NALF1: variants seen among roughly 807,000 people sequenced by gnomAD.
The protein encoded by NALF1 is NALCN channel auxiliary factor 1.
NALF1 carries 3 observed loss-of-function variants against 48.4 expected under a neutral mutation model. The observed-to-expected ratio is 0.06, with a 90% CI of 0.03 to 0.16. NALF1 has a LOEUF of 0.16. NALF1 is among the 10% of genes least tolerant of loss of function. The pLI is 1.00. For synonymous variants in NALF1, 262 were observed against 245.7 expected, an observed-to-expected ratio of 1.07 and a Z score of -0.62; for missense variants, 526 against 571.5, an observed-to-expected ratio of 0.92 and a Z score of 0.81.
intron 1 of NALF1, among the ~76,000 whole-genome samples, chr13:107,575,227 A>C (rs1878104220): frequency 6.6e-6 from 1 of 152,138 alleles, no homozygotes; most frequent in African/African-American, 2.4e-5. Flanking sequence ...CCTTATCAAA[A>C]CTGGTAGAGT....
intron 1 of NALF1, among the ~76,000 whole-genome samples, chr13:107,806,042 G>A (rs769715149): frequency 1.2e-4 from 18 of 152,290 alleles, no homozygotes; most frequent in Non-Finnish European, 2.2e-4. Context: ...GAAAGATTCA[G>A]AAACCTCATC....
intron 1 of NALF1, among the ~76,000 whole-genome samples, chr13:107,829,515 T>C (rs1206398506): frequency 1.3e-5 from 2 of 152,186 alleles, no homozygotes; most frequent in Non-Finnish European, 2.9e-5. Context: ...AATCAGATCT[T>C]CAAATTCTTT....
intron 1 of NALF1, among the ~76,000 whole-genome samples, chr13:107,344,583 A>G (rs911933322): frequency 1.3e-5 from 2 of 152,172 alleles, no homozygotes; most frequent in African/African-American, 2.4e-5. Flanking sequence ...CACAAATCAC[A>G]TGCTCCTCTC....
intron 1 of NALF1, among the ~76,000 whole-genome samples, chr13:107,269,380 T>C (rs1881108666): frequency 6.6e-6 from 1 of 151,958 alleles, no homozygotes; most frequent in Admixed American, 6.6e-5. Flanking sequence ...TCTTGCAGAG[T>C]GGATAGTAAA....
At chr13:107,844,987 T>C (rs941854231) in intron 1 of NALF1, among the ~76,000 whole-genome samples, 2 of 152,170 alleles carry the variant, frequency 1.3e-5, no homozygotes, top group African/African-American at 4.8e-5. Flanking sequence ...TCAGATATAA[T>C]GCAAGAATAA....
intron 1 of NALF1, among the ~76,000 whole-genome samples, chr13:107,767,707 T>C (rs1471914712): frequency 1.3e-5 from 2 of 152,220 alleles, no homozygotes; most frequent in Non-Finnish European, 2.9e-5. Context: ...TAGGAAACTC[T>C]GGGAAAATTA....
At chr13:107,415,204 C>A (rs964807739) in intron 1 of NALF1, among the ~76,000 whole-genome samples, 1 of 152,130 alleles carries the variant, frequency 6.6e-6, no homozygotes, top group Non-Finnish European at 1.5e-5. Flanking sequence ...TACATACATC[C>A]TATCTTCATA....
intron 1 of NALF1, among the ~76,000 whole-genome samples, chr13:107,594,889 T>A (rs960935157): frequency 6.6e-6 from 1 of 151,996 alleles, no homozygotes; most frequent in African/African-American, 2.4e-5. Flanking sequence ...AATCAAAAAT[T>A]AAAAATTAAA....
chr13:107,673,109 T>A (rs1881029534), intron 1 of NALF1, among the ~76,000 whole-genome samples: 1 of 152,128 alleles, frequency 6.6e-6, no homozygotes, highest in Non-Finnish European at 1.5e-5. Flanking sequence ...CTCCTTTCTG[T>A]ATGGGTGCGG....
At chr13:107,797,843 AACC>A (rs1878480716) in intron 1 of NALF1, among the ~76,000 whole-genome samples, 1 of 152,184 alleles carries the variant, frequency 6.6e-6, no homozygotes, top group Non-Finnish European at 1.5e-5. Context: ...AACAAATGTG[AACC>A]ATACTTTTTG....
At chr13:107,738,287 A>G (rs1339791749) in intron 1 of NALF1, among the ~76,000 whole-genome samples, 1 of 152,194 alleles carries the variant, frequency 6.6e-6, no homozygotes, top group African/African-American at 2.4e-5. Flanking sequence ...ATTCATGCCT[A>G]TGAGAAGTTT....
intron 1 of NALF1, among the ~76,000 whole-genome samples, chr13:107,311,487 C>T (rs2138904252): frequency 6.6e-6 from 1 of 151,912 alleles, no homozygotes; most frequent in Non-Finnish European, 1.5e-5. Context: ...GATGTAAAGG[C>T]TGTTGTCCAT....
At chr13:107,577,415 C>A (rs888000147) in intron 1 of NALF1, among the ~76,000 whole-genome samples, 1 of 152,080 alleles carries the variant, frequency 6.6e-6, no homozygotes, top group Admixed American at 6.6e-5. Context: ...TTCTTGGAGA[C>A]TAGCATGCAA....
intron 1 of NALF1, among the ~76,000 whole-genome samples, chr13:107,390,998 G>A (rs773032280): frequency 2.6e-5 from 4 of 152,104 alleles, no homozygotes; most frequent in Admixed American, 2.6e-4. Context: ...TCTACCATGT[G>A]CCAGGCATCA....
chr13:107,441,819 T>C (rs551758473), intron 1 of NALF1, among the ~76,000 whole-genome samples: 1 of 152,272 alleles, frequency 6.6e-6, no homozygotes, highest in Non-Finnish European at 1.5e-5. Context: ...GGGGTATTAA[T>C]AGGCAAAGAC....
intron 1 of NALF1, among the ~76,000 whole-genome samples, chr13:107,428,467 T>C (rs1884317765): frequency 6.6e-6 from 1 of 152,282 alleles, no homozygotes; most frequent in Non-Finnish European, 1.5e-5. Flanking sequence ...TGGATTTCAA[T>C]TCTATCTATA....
At chr13:107,754,907 G>A (rs1877049916) in intron 1 of NALF1, among the ~76,000 whole-genome samples, 1 of 152,132 alleles carries the variant, frequency 6.6e-6, no homozygotes, top group Non-Finnish European at 1.5e-5. Context: ...ACTCTTCAAT[G>A]TTTAAAACTT....
chr13:107,358,569 C>A (rs59025691), intron 1 of NALF1, among the ~76,000 whole-genome samples: 1 of 151,940 alleles, frequency 6.6e-6, no homozygotes. Flanking sequence ...TTGTGTAAGA[C>A]GGGTTAAAGA....
chr13:107,285,533 C>A (rs1881476552), intron 1 of NALF1, among the ~76,000 whole-genome samples: 2 of 152,068 alleles, frequency 1.3e-5, no homozygotes, highest in African/African-American at 2.4e-5. Flanking sequence ...CACTTGTACA[C>A]CATATAGACA....
Sources: gnomAD v4.1 joint callset for allele counts (sites outside exome capture counted in the v4.1 genomes callset) on GRCh38, gnomAD v4.1.1 for gene constraint, MANE v1.5 for transcripts, NCBI Gene and HGNC (gene_info 2026-07-23, HGNC 2026-07-21) for gene names.